The following ZFHX3 variants were observed in gnomAD, a reference collection of about 807,000 sequenced individuals.
ZFHX3 encodes zinc finger homeobox protein 3.
A neutral mutation model predicts 279.1 loss-of-function variants in ZFHX3; 42 were observed. The observed-to-expected ratio is 0.15, with a 90% CI of 0.12 to 0.19. ZFHX3 has a LOEUF of 0.19. Among genes scored for constraint, ZFHX3 ranks in the 10% least tolerant of loss-of-function variants. The pLI is 1.00. For synonymous variants in ZFHX3, 2,293 were observed against 1,957.8 expected, an observed-to-expected ratio of 1.17 and a Z score of -4.52; for missense variants, 4,981 against 4,754.0, an observed-to-expected ratio of 1.05 and a Z score of -1.40.
intron 3 of ZFHX3, among the ~76,000 whole-genome samples, chr16:73,445,264 ATG>A (rs2018164276): frequency 3.6e-5 from 5 of 140,312 alleles, no homozygotes; most frequent in Admixed American, 1.5e-4. Context: ...ATGTGTGTAT[ATG>A]TATGTATATA....
Position 73,631,923 on chromosome 16 carries a change from T to A in ZFHX3, c.-1547+48257A>T, listed in dbSNP as rs1034874026. 3.6e-3 allele frequency among the ~76,000 whole-genome samples: 369 copies of A among 101,882 alleles called. 2 individuals carry two copies. Among genetic ancestry groups the A allele is most frequent in the African/African-American group, 0.011 (341 of 29,964 alleles). 66.8% of individuals were successfully genotyped at this position (101,882 alleles called of 152,430 possible). ...TTCTCTCTCTCTCTCTCTCTCTCTC[T>A]CTCTCACACACACACACACACACAC... On this transcript the variant is annotated intron_variant, in intron 2 of 17. Coordinates refer to the ZFHX3 transcript ENST00000641206.
intron 4 of ZFHX3, among the ~76,000 whole-genome samples, chr16:72,886,953 G>C (rs1392888334): frequency 6.6e-6 from 1 of 152,226 alleles, no homozygotes; most frequent in Admixed American, 6.5e-5. Context: ...TTAACCAGAA[G>C]AGGCATTTGA....
chr16:73,743,891 A>C (rs402799), intron 1 of ZFHX3, among the ~76,000 whole-genome samples: 12,193 of 152,216 alleles, frequency 0.08, 687 homozygotes, highest in African/African-American at 0.15. Context: ...AATCTATGTG[A>C]ATGTGAATAC....
chr16:73,750,638 G>A (rs1420532239), intron 1 of ZFHX3, among the ~76,000 whole-genome samples: 1 of 152,138 alleles, frequency 6.6e-6, no homozygotes, highest in Non-Finnish European at 1.5e-5. Flanking sequence ...TAGTGAGCTA[G>A]TGGAAAAAAG....
At chr16:72,999,161 T>C (rs1200304820) in intron 1 of ZFHX3, among the ~76,000 whole-genome samples, 1 of 152,170 alleles carries the variant, frequency 6.6e-6, no homozygotes, top group Non-Finnish European at 1.5e-5. Flanking sequence ...TTTTGTTTTT[T>C]TGTTTTGAGA....
intron 1 of ZFHX3, among the ~76,000 whole-genome samples, chr16:73,864,790 T>C (rs922022237): frequency 2.6e-4 from 29 of 109,910 alleles, no homozygotes; most frequent in Non-Finnish European, 4.8e-4. Flanking sequence ...GGGGAGCCAT[T>C]AGGCATCCCA....
In ZFHX3 at chr16:73,202,012, A is replaced by G. The variant is rs191174780; in HGVS notation, c.-1104+55035T>C. Among the ~76,000 whole-genome samples, 11 of 152,354 alleles carry G rather than the reference A, an allele frequency of 7.2e-5. No homozygotes were observed. The East Asian group carries it at 1.9e-3, about 27-fold the overall frequency. On this transcript the variant is annotated intron_variant, in intron 5 of 17. Coordinates refer to the ZFHX3 transcript ENST00000641206. ...CTGAAGATTGACAAAATTCCCAGAA[A>G]ACACCAAGAACATAAATCAGTGGGA... is the stretch of plus-strand genomic sequence containing the variant.
chr16:73,822,322 G>A (rs1332083184), intron 1 of ZFHX3, among the ~76,000 whole-genome samples: 1 of 152,164 alleles, frequency 6.6e-6, no homozygotes, highest in African/African-American at 2.4e-5. Context: ...AGGCACGATA[G>A]TTCAGTCATA....
intron 4 of ZFHX3, among the ~76,000 whole-genome samples, chr16:72,879,308 T>C (rs1597339073): frequency 6.6e-6 from 1 of 152,212 alleles, no homozygotes; most frequent in Non-Finnish European, 1.5e-5. Context: ...TAATGGGTCA[T>C]AGAAAATTGT....
At chr16:72,814,364 T>C (rs1188286349) in intron 5 of ZFHX3, among the ~76,000 whole-genome samples, 1 of 152,182 alleles carries the variant, frequency 6.6e-6, no homozygotes, top group Non-Finnish European at 1.5e-5. Flanking sequence ...AATGAGTCAA[T>C]TGTGCACTTG....
chr16:72,850,433 T>A, intron 4 of ZFHX3, among the ~76,000 whole-genome samples: 1 of 152,208 alleles, frequency 6.6e-6, no homozygotes, highest in East Asian at 1.9e-4. Context: ...TGTGTTGAAA[T>A]ACACATAGTC....
intron 2 of ZFHX3, among the ~76,000 whole-genome samples, chr16:73,516,850 C>G (rs753927400): frequency 2.0e-5 from 3 of 152,184 alleles, no homozygotes; most frequent in Non-Finnish European, 4.4e-5. Flanking sequence ...AGTCACTGTT[C>G]TCCCCACCGT....
intron 1 of ZFHX3, among the ~76,000 whole-genome samples, chr16:73,842,391 C>T (rs572389302): frequency 3.9e-5 from 6 of 152,148 alleles, no homozygotes; most frequent in Middle Eastern, 3.4e-3. Context: ...ACCCCCCAGC[C>T]TTAAGTTCCT....
intron 2 of ZFHX3, among the ~76,000 whole-genome samples, chr16:73,658,243 A>G (rs1035964443): frequency 6.6e-6 from 1 of 152,210 alleles, no homozygotes; most frequent in Non-Finnish European, 1.5e-5. Flanking sequence ...ATTTTAAAAA[A>G]TGTTTCTCAT....
At chr16:73,796,167 C>A (rs1959979843) in intron 1 of ZFHX3, among the ~76,000 whole-genome samples, 1 of 152,098 alleles carries the variant, frequency 6.6e-6, no homozygotes, top group Non-Finnish European at 1.5e-5. Flanking sequence ...TTTTATTATT[C>A]ATGCTCAGAG....
intron 2 of ZFHX3, among the ~76,000 whole-genome samples, chr16:73,647,234 A>G (rs1017347521): frequency 2.6e-5 from 4 of 152,006 alleles, no homozygotes; most frequent in African/African-American, 9.7e-5. Flanking sequence ...GGATGGTCTC[A>G]ATCTCCTGAC....
At chr16:73,281,012 A>AAGGAGAGCAG in intron 4 of ZFHX3, among the ~76,000 whole-genome samples, 1 of 92,956 alleles carries the variant, frequency 1.1e-5, no homozygotes, top group South Asian at 4.4e-4. Flanking sequence ...AATGAAGGGA[A>AAGGAGAGCAG]AGGAGAGGAG....
intron 1 of ZFHX3, among the ~76,000 whole-genome samples, chr16:73,767,428 G>T (rs1236934284): frequency 1.3e-5 from 2 of 152,166 alleles, no homozygotes; most frequent in Non-Finnish European, 2.9e-5. Context: ...GCATCATGTT[G>T]TAAAGTAGAG....
intron 2 of ZFHX3, among the ~76,000 whole-genome samples, chr16:73,533,123 T>C (rs975754036): frequency 6.6e-6 from 1 of 152,112 alleles, no homozygotes; most frequent in Non-Finnish European, 1.5e-5. Context: ...AGTGTGCTTA[T>C]CTATCCATGT....
Sources: gnomAD v4.1 joint callset for allele counts (sites outside exome capture counted in the v4.1 genomes callset) on GRCh38, gnomAD v4.1.1 for gene constraint, MANE v1.5 for transcripts, NCBI Gene and HGNC (gene_info 2026-07-23, HGNC 2026-07-21) for gene names.